PDZK1: variants seen among roughly 807,000 people sequenced by gnomAD.
The protein encoded by PDZK1 is PDZ domain containing 1, also known as Na(+)/H(+) exchange regulatory cofactor NHE-RF3.
A neutral mutation model predicts 38.1 loss-of-function variants in PDZK1; 23 were observed. The ratio of observed to expected loss-of-function variants is 0.60; its 90% confidence interval spans 0.43 to 0.85. The LOEUF (loss-of-function observed/expected upper bound fraction) is 0.85, where lower values mean the gene tolerates loss of function less well. Among genes scored for constraint, PDZK1 ranks in the 40% least tolerant of loss-of-function variants. The pLI, the probability that PDZK1 is intolerant of heterozygous loss-of-function variation, is 0.00. For synonymous variants in PDZK1, 98 were observed against 186.2 expected (o/e 0.53, Z 3.86); for missense variants, 297 against 504.3 (o/e 0.59, Z 3.94).
chr1:145,701,204 CA>C lies in PDZK1; in HGVS notation c.-3+6112del, dbSNP rs1189460198. On this transcript the variant is annotated intron_variant, in intron 1 of 8. Transcript: ENST00000417171. The stretch of plus-strand genomic sequence containing the variant: ...TGGGCAACAGAGCGAGACTCCATCT[CA>C]AAAAAAAAACAAACACTTAGCAGGA... Among the ~76,000 whole-genome samples, 197 of 140,914 alleles carry C rather than the reference CA, an allele frequency of 1.4e-3. 3 individuals are homozygous for C. The highest frequency in any genetic ancestry group is 4.0e-3 in the African/African-American group (154 of 38,276). The allele number at this position is 140,914 out of a possible 152,430, so 92.4% of individuals were successfully genotyped here. A position where few individuals can be genotyped will look rare whatever the true frequency, so the allele number is the denominator to read the frequency against.
intron 4 of PDZK1, among the ~76,000 whole-genome samples, chr1:145,682,045 C>CACAT (rs1325170217): frequency 7.5e-6 from 1 of 132,700 alleles, no homozygotes; most frequent in Non-Finnish European, 1.6e-5. Flanking sequence ...CACACACACA[C>CACAT]ACACACATAA....
chr1:145,671,357 T>C lies in PDZK1; in HGVS notation c.*79A>G, dbSNP rs1653008439. 5 of 1,605,406 alleles carry C rather than the reference T, an allele frequency of 3.1e-6. No homozygotes were observed. The East Asian group carries it at 9.0e-5, about 29-fold the overall frequency. ...AAAGAGACAGTAAACAGGTCACAACTCATTCCTTGAGAAAGGATTCCTATT... is the reference window on the plus strand; with the variant it reads ...AAAGAGACAGTAAACAGGTCACAACCCATTCCTTGAGAAAGGATTCCTATT... On this transcript the variant is annotated 3_prime_UTR_variant, in exon 9 of 9. Coordinates refer to ENST00000417171, the MANE Select transcript of PDZK1 (RefSeq NM_001201325.2).
intron 1 of PDZK1, among the ~76,000 whole-genome samples, chr1:145,695,463 A>AAG (rs1279441650): frequency 6.6e-6 from 1 of 151,852 alleles, no homozygotes; most frequent in Non-Finnish European, 1.5e-5. Flanking sequence ...AGAGGAGAGC[A>AAG]AGAGAGAGAG....
At chr1:145,695,296 C>G (rs1553703954) in intron 1 of PDZK1, among the ~76,000 whole-genome samples, 1 of 151,938 alleles carries the variant, frequency 6.6e-6, no homozygotes, top group East Asian at 1.9e-4. Flanking sequence ...GTGGTGGGCA[C>G]CTGTAGTCCC....
At chr1:145,691,328 G>C (rs1553703109) in intron 1 of PDZK1, among the ~76,000 whole-genome samples, 1 of 152,150 alleles carries the variant, frequency 6.6e-6, no homozygotes, top group African/African-American at 2.4e-5. Context: ...GCCTTGTTCT[G>C]TCTAGTCCAC....
chr1:145,677,612 C>T (rs1205704769), intron 6 of PDZK1, among the ~76,000 whole-genome samples: 3 of 151,548 alleles, frequency 2.0e-5, no homozygotes, highest in East Asian at 1.9e-4. Context: ...TAATGAATTA[C>T]GGGTCCAAGA....
chr1:145,672,313 A>G (rs1291180846), intron 8 of PDZK1, among the ~76,000 whole-genome samples: 3 of 151,508 alleles, frequency 2.0e-5, no homozygotes, highest in Non-Finnish European at 4.4e-5. Flanking sequence ...AATCTTAGTT[A>G]ACATGATCCT....
intron 1 of PDZK1, among the ~76,000 whole-genome samples, chr1:145,707,015 C>A (rs187331886): frequency 2.6e-5 from 4 of 152,110 alleles, no homozygotes; most frequent in Admixed American, 2.6e-4. Flanking sequence ...CCTTTGGCTG[C>A]ACATCAAACC....
chr1:145,681,644 G>A (rs1399010748), intron 4 of PDZK1, among the ~76,000 whole-genome samples: 1 of 123,872 alleles, frequency 8.1e-6, no homozygotes, highest in Non-Finnish European at 1.6e-5. Flanking sequence ...ACCCACATAG[G>A]TGCTAACTGA....
intron 1 of PDZK1, among the ~76,000 whole-genome samples, chr1:145,695,414 C>CT (rs2101922782): frequency 6.6e-6 from 1 of 151,482 alleles, no homozygotes; most frequent in East Asian, 1.9e-4. Context: ...GAGTGAGACA[C>CT]TGTCGAAAGA....
intron 1 of PDZK1, among the ~76,000 whole-genome samples, chr1:145,703,526 A>G (rs1008811469): frequency 7.9e-5 from 12 of 152,128 alleles, no homozygotes; most frequent in Admixed American, 1.3e-4. Context: ...CTATTTGGAT[A>G]AGCAGAGTCT....
Position 145,686,673 on chromosome 1 carries a change from A to G in PDZK1, c.264T>C (p.Asp88=). The change falls in exon 3 of 9, where the codon GAT becomes GAC. Residue 88 remains aspartate (D), a synonymous_variant. Transcript: ENST00000417171. ...SGNSVTLLVL[D]GDSYEKAVKT... is the part of the protein sequence containing the mutation. ...TCACTGCTTTCTCATAGGAATCCCC[A>G]TCCAGAACTAGTAAAGTCACTGAAT... 1 of 1,572,732 alleles carries G rather than the reference A, an allele frequency of 6.4e-7. No homozygotes were observed. The highest frequency in any genetic ancestry group is 2.3e-4 in the Middle Eastern group (1 of 4,370).
chr1:145,706,349 CAT>C (rs1373974738), intron 1 of PDZK1, among the ~76,000 whole-genome samples: 1 of 152,198 alleles, frequency 6.6e-6, no homozygotes, highest in Non-Finnish European at 1.5e-5. Context: ...AAGTTACTAT[CAT>C]AACACAGAAA....
chr1:145,686,638 A>C lies in PDZK1; in HGVS notation c.299T>G (p.Val100Gly). 2 of 1,598,942 alleles carry C rather than the reference A, an allele frequency of 1.3e-6. No homozygotes were observed. The highest frequency in any genetic ancestry group is 1.7e-6 in the Non-Finnish European group (2 of 1,171,016). Residue 100 changes from valine (V) to glycine (G), a missense_variant, in exon 3 of 9, where the codon GTG becomes GGG. By Grantham distance (109) the Val-to-Gly change is moderately radical. Around this residue, in one of 5 missense-constraint regions of PDZK1, gnomAD observed 159 missense variants for 200.0 expected, o/e 0.79. Coordinates refer to ENST00000417171, the MANE Select transcript of PDZK1 (RefSeq NM_001201325.2). ...ACTTTGACCCAACTCTTTCAAGTCC[A>C]CCCGTGTTTTCACTGCTTTCTCATA... ...DSYEKAVKTR[V>G]DLKELGQSQK...
intron 1 of PDZK1, among the ~76,000 whole-genome samples, chr1:145,696,078 T>C (rs1655611649): frequency 6.6e-6 from 1 of 152,206 alleles, no homozygotes; most frequent in African/African-American, 2.4e-5. Flanking sequence ...TATTTTGTTC[T>C]GGTTTCACTG....
At chr1:145,706,525 G>T (rs1219920062) in intron 1 of PDZK1, among the ~76,000 whole-genome samples, 1 of 152,144 alleles carries the variant, frequency 6.6e-6, no homozygotes, top group Non-Finnish European at 1.5e-5. Flanking sequence ...GTTTCTCAGA[G>T]CCAACGCCCA....
At chr1:145,702,466 G>A (rs1460734366) in intron 1 of PDZK1, among the ~76,000 whole-genome samples, 8 of 151,844 alleles carry the variant, frequency 5.3e-5, no homozygotes, top group Non-Finnish European at 1.0e-4. Flanking sequence ...GTGACTTTTT[G>A]AACTTGCATT....
chr1:145,672,700 G>T (rs782745024), intron 8 of PDZK1, 30 bp downstream of exon 8: 3 of 1,611,398 alleles, frequency 1.9e-6, no homozygotes, highest in Non-Finnish European at 2.5e-6. Context: ...TAGTAAATTA[G>T]ATCACGAAAA....
At chr1:145,705,502 A>G (rs2101944570) in intron 1 of PDZK1, among the ~76,000 whole-genome samples, 1 of 152,186 alleles carries the variant, frequency 6.6e-6, no homozygotes, top group East Asian at 1.9e-4. Context: ...TTTAATTCAT[A>G]CCCCAATGAC....
Sources: gnomAD v4.1 joint callset for allele counts (sites outside exome capture counted in the v4.1 genomes callset) on GRCh38, gnomAD v4.1.1 for gene constraint, gnomAD v4.1.1 regional missense constraint, MANE v1.5 for transcripts, NCBI Gene and HGNC (gene_info 2026-07-23, HGNC 2026-07-21) for gene names.